NLGN1: variants seen among roughly 807,000 people sequenced by gnomAD.
The protein encoded by NLGN1 is neuroligin 1, also known as neuroligin-1.
In NLGN1, 12 loss-of-function variants were observed where a neutral mutation model predicts 65.5. The ratio of observed to expected loss-of-function variants is 0.18; its 90% confidence interval spans 0.12 to 0.30. The LOEUF is 0.30. NLGN1 is among the 10% of genes least tolerant of loss of function. The probability of loss-of-function intolerance (pLI) is 1.00; values close to 1 mark genes in which losing one functional copy is unlikely to be tolerated. For synonymous variants in NLGN1, 350 were observed against 359.5 expected, an observed-to-expected ratio of 0.97 and a Z score of 0.30; for missense variants, 750 against 1,007.1, an observed-to-expected ratio of 0.74 and a Z score of 3.46.
chr3:174,139,633 G>A (rs2152686679), intron 4 of NLGN1, among the ~76,000 whole-genome samples: 1 of 152,114 alleles, frequency 6.6e-6, no homozygotes, highest in Non-Finnish European at 1.5e-5. Flanking sequence ...AATAAAAAGG[G>A]GAAAAATGCT....
intron 4 of NLGN1, among the ~76,000 whole-genome samples, chr3:174,248,487 C>T (rs540000974): frequency 5.3e-5 from 8 of 152,184 alleles, no homozygotes; most frequent in Non-Finnish European, 8.8e-5. Flanking sequence ...AGGCTGGGCA[C>T]GGTGGCTCAC....
At chr3:174,236,986 C>A (rs1212833340) in intron 4 of NLGN1, among the ~76,000 whole-genome samples, 1 of 151,972 alleles carries the variant, frequency 6.6e-6, no homozygotes, top group Non-Finnish European at 1.5e-5. Flanking sequence ...TTATTGAGCA[C>A]CTATTATATA....
At chr3:173,708,802 A>G (rs1423422953) in intron 3 of NLGN1, among the ~76,000 whole-genome samples, 1 of 152,224 alleles carries the variant, frequency 6.6e-6, no homozygotes, top group Non-Finnish European at 1.5e-5. Flanking sequence ...AGAGATGTCA[A>G]TTAAATAATG....
At chr3:174,094,979 A>G (rs1745199651) in intron 4 of NLGN1, among the ~76,000 whole-genome samples, 1 of 152,126 alleles carries the variant, frequency 6.6e-6, no homozygotes, top group Non-Finnish European at 1.5e-5. Context: ...TGGAAAGGCC[A>G]AAGAGAATGC....
intron 4 of NLGN1, among the ~76,000 whole-genome samples, chr3:173,925,885 A>G (rs1158233327): frequency 1.3e-5 from 2 of 152,108 alleles, no homozygotes; most frequent in East Asian, 3.8e-4. Context: ...TTTTAAAAAT[A>G]AAATCTATGT....
chr3:173,750,334 A>G (rs1023583862), intron 3 of NLGN1, among the ~76,000 whole-genome samples: 1 of 152,060 alleles, frequency 6.6e-6, no homozygotes. Flanking sequence ...CTCATGGCTT[A>G]CACCATACCC....
chr3:173,966,374 TGTGAA>T (rs1714868071), intron 4 of NLGN1, among the ~76,000 whole-genome samples: 1 of 152,200 alleles, frequency 6.6e-6, no homozygotes, highest in Non-Finnish European at 1.5e-5. Flanking sequence ...GAAATACTAT[TGTGAA>T]GTAGAAGGTC....
intron 3 of NLGN1, among the ~76,000 whole-genome samples, chr3:173,758,084 T>G (rs2150192003): frequency 6.6e-6 from 1 of 152,098 alleles, no homozygotes; most frequent in East Asian, 1.9e-4. Flanking sequence ...TATCTGAAAC[T>G]ATTGCTGGCC....
chr3:173,408,635 G>A (rs1234334756), intron 1 of NLGN1, among the ~76,000 whole-genome samples: 1 of 152,164 alleles, frequency 6.6e-6, no homozygotes, highest in African/African-American at 2.4e-5. Context: ...CGCATTGGCC[G>A]GGCGCAGTGG....
At chr3:173,610,247 A>G (rs902045718) in intron 3 of NLGN1, among the ~76,000 whole-genome samples, 4 of 151,978 alleles carry the variant, frequency 2.6e-5, no homozygotes, top group Non-Finnish European at 5.9e-5. Context: ...TATGTTTTTT[A>G]TCTGAATACC....
chr3:174,225,970 T>C (rs1414661558), intron 4 of NLGN1, among the ~76,000 whole-genome samples: 1 of 152,082 alleles, frequency 6.6e-6, no homozygotes, highest in Non-Finnish European at 1.5e-5. Context: ...CAGAAAGATC[T>C]AATTTTATTA....
At chr3:173,605,570 G>A (rs923833551) in intron 3 of NLGN1, 1 of 1,286,386 alleles carries the variant, frequency 7.8e-7, no homozygotes. Context: ...AGAAAGCCCG[G>A]CAAGAAAATA....
chr3:173,786,893 T>C (rs1212913264), intron 3 of NLGN1, among the ~76,000 whole-genome samples: 4 of 152,056 alleles, frequency 2.6e-5, no homozygotes. Context: ...CTGGCCAACA[T>C]AGTGAAACCT....
intron 2 of NLGN1, among the ~76,000 whole-genome samples, chr3:173,505,940 T>C (rs1210143937): frequency 6.6e-6 from 1 of 152,102 alleles, no homozygotes; most frequent in Non-Finnish European, 1.5e-5. Context: ...GTATATATGT[T>C]TAATGAATGA....
At chr3:174,122,009 A>G (rs1202619170) in intron 4 of NLGN1, among the ~76,000 whole-genome samples, 2 of 152,118 alleles carry the variant, frequency 1.3e-5, no homozygotes, top group Admixed American at 6.6e-5. Flanking sequence ...TTTACTTCAT[A>G]TATGTGGAAA....
intron 3 of NLGN1, among the ~76,000 whole-genome samples, chr3:173,608,105 TAAAAG>T (rs1751674386): frequency 6.6e-6 from 1 of 151,870 alleles, no homozygotes; most frequent in South Asian, 2.1e-4. Context: ...TTGTTGTGTA[TAAAAG>T]AAAAGAAATC....
At chr3:173,942,427 C>T (rs915683503) in intron 4 of NLGN1, among the ~76,000 whole-genome samples, 7 of 151,976 alleles carry the variant, frequency 4.6e-5, no homozygotes, top group African/African-American at 1.2e-4. Context: ...ACCTAGTAGC[C>T]ATTATAGGAT....
chr3:173,875,304 C>T (rs1731912944), intron 4 of NLGN1, among the ~76,000 whole-genome samples: 1 of 152,206 alleles, frequency 6.6e-6, no homozygotes, highest in African/African-American at 2.4e-5. Context: ...CAGGTAGAAT[C>T]TGTGTCTGGA....
At chr3:174,275,446 T>C in exon 5 of NLGN1, 1 of 1,612,736 alleles carries the variant, frequency 6.2e-7, no homozygotes, top group Non-Finnish European at 8.5e-7. Flanking sequence ...TGTTTTTGGA[T>C]CTGGTGCTGG....
Sources: allele counts gnomAD v4.1 joint callset (sites outside exome capture counted in the v4.1 genomes callset), GRCh38; gene constraint gnomAD v4.1.1; transcripts MANE v1.5; gene names NCBI Gene and HGNC (gene_info 2026-07-23, HGNC 2026-07-21).